The following CRAMP1 variants were observed in gnomAD, a reference collection of about 807,000 sequenced individuals.
The protein encoded by CRAMP1 is cramped chromatin regulator 1.
A neutral mutation model predicts 115.4 loss-of-function variants in CRAMP1; 50 were observed. The observed-to-expected ratio is 0.43, with a 90% confidence interval of 0.35 to 0.55. The LOEUF (loss-of-function observed/expected upper bound fraction) is 0.55, where lower values mean the gene tolerates loss of function less well. Among genes scored for constraint, CRAMP1 ranks in the 20% least tolerant of loss-of-function variants. CRAMP1 has a pLI of 0.01. For synonymous variants in CRAMP1, 866 were observed against 745.4 expected (o/e 1.16, Z -2.64); for missense variants, 1,679 against 1,721.7 (o/e 0.98, Z 0.44).
At chr16:1,640,182 G>C (rs976589097) in intron 5 of CRAMP1, among the ~76,000 whole-genome samples, 1 of 151,690 alleles carries the variant, frequency 6.6e-6, no homozygotes, top group Admixed American at 6.6e-5. Context: ...ATTTTTTTCC[G>C]TGCAGTTGTG....
chr16:1,633,857 C>T (rs1353486162), intron 4 of CRAMP1, among the ~76,000 whole-genome samples: 1 of 152,072 alleles, frequency 6.6e-6, no homozygotes, highest in East Asian at 1.9e-4. Context: ...ATCACGAGGT[C>T]AAGAGATCAA....
intron 3 of CRAMP1, 143 bp downstream of exon 3, chr16:1,626,309 G>A (rs1263720562): frequency 5.1e-6 from 3 of 592,730 alleles, no homozygotes. Flanking sequence ...GGCTGATGTG[G>A]GCTCTAGCCT....
intron 2 of CRAMP1, among the ~76,000 whole-genome samples, chr16:1,625,001 A>G (rs1461104131): frequency 6.6e-6 from 1 of 152,210 alleles, no homozygotes; most frequent in Non-Finnish European, 1.5e-5. Flanking sequence ...TGCTGGGATT[A>G]CAGGAGTGAG....
At position 1,656,539 on chromosome 16, in the gene CRAMP1, G is replaced by T. The variant is rs73499790; in HGVS notation, c.1782G>T (p.Ala594=). The T allele has an allele frequency of 7.6e-4, 1,188 of 1,557,758 alleles. 12 individuals carry two copies. In the African/African-American group the frequency reaches 0.014, roughly 18 times the overall value. Residue 594 remains alanine, a synonymous_variant, in exon 10 of 21, where the codon GCG becomes GCT. Coordinates refer to ENST00000397412, the MANE Select transcript of CRAMP1 (RefSeq NM_020825.4). This position sits in a 1 kb window ranked among gnomAD's most constrained non-coding sequence, Gnocchi z 5.6. The part of the protein sequence containing the change: ...PGSEQPPLGG[A]ASPEVLAPVS... ...GCGAGCAGCCCCCTCTGGGCGGGGC[G>T]GCCTCCCCAGAGGTGCTGGCTCCTG...
rs930033778 is a variant in CRAMP1, at chr16:1,677,574, G to A, written c.*3529G>A. The A allele has an allele frequency of 9.2e-5, 14 of 152,768 alleles. No homozygotes were observed. Among genetic ancestry groups the A allele is most frequent in the African/African-American group, 3.1e-4 (13 of 41,578 alleles). The allele number at this position is 152,768 out of a possible 1,614,324, so 9.5% of individuals were successfully genotyped here. A position where few individuals can be genotyped will look rare whatever the true frequency, so the allele number is the denominator to read the frequency against. On this transcript the variant is annotated 3_prime_UTR_variant, in exon 21 of 21. Coordinates refer to ENST00000397412, the MANE Select transcript of CRAMP1 (RefSeq NM_020825.4). ...GTGTCCTTGGGGTGGGTGAGGTGTG[G>A]GGAGCCCAGCCCCTGGCCCTGCCTC...
intron 19 of CRAMP1, 131 bp from the exon 20 acceptor site, chr16:1,670,533 C>T (rs2036913280): frequency 1.0e-6 from 1 of 952,878 alleles, no homozygotes; most frequent in African/African-American, 1.6e-5. Context: ...AAGCTCTTCG[C>T]ACAAGTCTGG....
rs940852845 is a variant in CRAMP1, at chr16:1,612,671, G to A, written c.-2+14G>A. Reference sequence around the variant, plus strand: ...TTGATGAAAAAGGTGACCAAGGCTGGGCGGCGGGGCTGTCATGGCGAGGCC... The same window carrying A: ...TTGATGAAAAAGGTGACCAAGGCTGAGCGGCGGGGCTGTCATGGCGAGGCC... On this transcript the variant is annotated intron_variant, in intron 1 of 20. Coordinates refer to ENST00000397412, the MANE Select transcript of CRAMP1 (RefSeq NM_020825.4). Among the ~76,000 whole-genome samples, 2 of 152,132 alleles carry A rather than the reference G, an allele frequency of 1.3e-5. No individual in the cohort carries two copies. Among genetic ancestry groups the A allele is most frequent in the East Asian group, 1.9e-4 (1 of 5,164 alleles).
At chr16:1,670,504 G>T (rs145237558) in intron 19 of CRAMP1, 160 bp from the exon 20 acceptor site, 6 of 710,088 alleles carry the variant, frequency 8.4e-6, no homozygotes, top group Non-Finnish European at 1.5e-5. Flanking sequence ...AGCTCGTCAC[G>T]GCGTGTTGAG....
chr16:1,614,851 C>G lies in CRAMP1; in HGVS notation c.212C>G (p.Pro71Arg). ...APPGAPQAPS[P>R]PQGSPQDQHH... ...CCCGGCGCGCCGCAGGCGCCGTCCC[C>G]GCCGCAGGGCAGCCCCCAGGACCAG... The change falls in exon 2 of 21, where the codon CCG becomes CGG. Residue 71 changes from proline to arginine, a missense_variant. By Grantham distance (103) the Pro-to-Arg change is moderately radical. Coordinates refer to ENST00000397412, the MANE Select transcript of CRAMP1 (RefSeq NM_020825.4). This position sits in a 1 kb window ranked among gnomAD's most constrained non-coding sequence, Gnocchi z 4.4. The G allele has an allele frequency of 1.5e-6, 2 of 1,293,466 alleles. No homozygotes were observed. Among genetic ancestry groups the G allele is most frequent in the Non-Finnish European group, 2.0e-6 (2 of 1,023,848 alleles). 80.1% of individuals were successfully genotyped at this position (1,293,466 alleles called of 1,614,324 possible).
rs1009570227 is a variant in CRAMP1 at position 1,614,315 on chromosome 16, G to C, written c.-1-324G>C. On this transcript the variant is annotated intron_variant, in intron 1 of 20. Transcript: ENST00000397412. The surrounding 1 kb of genome is among the most constrained non-coding windows in gnomAD (Gnocchi z 4.4). ...CGCGCCGGGGCTCCCATAGACCCCG[G>C]GGCCGGGGCCGGGGCCGGGGCCGGG... 1.4e-5 allele frequency among the ~76,000 whole-genome samples: 2 copies of C among 145,436 alleles called. No individual in the cohort carries two copies. Among genetic ancestry groups the C allele is most frequent in the African/African-American group, 4.9e-5 (2 of 40,536 alleles).
rs1186179758 is a variant in CRAMP1, at chr16:1,676,235, T to G, written c.*2190T>G. Reference sequence around the variant, plus strand: ...GCACCTACCACTTGGTTCTCCAGCGTAGACTCCTGGGAGCAGCCAACTGCA... The same window carrying G: ...GCACCTACCACTTGGTTCTCCAGCGGAGACTCCTGGGAGCAGCCAACTGCA... On this transcript the variant is annotated 3_prime_UTR_variant, in exon 21 of 21. Coordinates refer to ENST00000397412, the MANE Select transcript of CRAMP1 (RefSeq NM_020825.4). 6.6e-6 allele frequency: 1 copy of G among 152,290 alleles called. No homozygotes were observed. The highest frequency in any genetic ancestry group is 1.5e-5 in the Non-Finnish European group (1 of 68,062). The allele number at this position is 152,290 out of a possible 1,614,324, so 9.4% of individuals were successfully genotyped here.
intron 6 of CRAMP1, among the ~76,000 whole-genome samples, chr16:1,644,225 G>T (rs192041782): frequency 3.3e-5 from 5 of 152,204 alleles, no homozygotes; most frequent in African/African-American, 1.2e-4. Flanking sequence ...CTCACCTGTC[G>T]TATTGTCATC....
intron 20 of CRAMP1, among the ~76,000 whole-genome samples, chr16:1,673,455 A>C (rs2036939468): frequency 6.6e-6 from 1 of 152,012 alleles, no homozygotes; most frequent in South Asian, 2.1e-4. Context: ...GTTTTACCCC[A>C]CCTCCCGCTC....
chr16:1,625,192 G>A (rs903051324), intron 2 of CRAMP1, among the ~76,000 whole-genome samples: 6 of 152,016 alleles, frequency 3.9e-5, no homozygotes, highest in African/African-American at 7.3e-5. Context: ...AATGTGTTAG[G>A]CCATGAAAAG....
intron 16 of CRAMP1, 64 bp from the exon 17 acceptor site, chr16:1,667,271 G>C (rs543007097): frequency 3.0e-6 from 4 of 1,325,748 alleles, no homozygotes; most frequent in Non-Finnish European, 4.3e-6. Flanking sequence ...ACTCTGTCGC[G>C]GGTGAGGGTA....
intron 5 of CRAMP1, 77 bp from the exon 6 acceptor site, chr16:1,641,062 G>A (rs986394538): frequency 3.1e-5 from 30 of 981,640 alleles, no homozygotes; most frequent in African/African-American, 3.2e-5. Flanking sequence ...TATATTGAGC[G>A]GAATTGTATG....
intron 4 of CRAMP1, among the ~76,000 whole-genome samples, chr16:1,635,632 G>GT (rs996848007): frequency 3.9e-5 from 6 of 152,102 alleles, no homozygotes; most frequent in Admixed American, 3.3e-4. Context: ...TGGGTTGTGG[G>GT]TTTTTTTCTT....
At chr16:1,626,565 G>A (rs1158480247) in intron 3 of CRAMP1, among the ~76,000 whole-genome samples, 1 of 151,982 alleles carries the variant, frequency 6.6e-6, no homozygotes, top group Non-Finnish European at 1.5e-5. Context: ...TTGTCTCGGG[G>A]GTCAGTGTAG....
chr16:1,658,716 A>G (rs1175785655), intron 10 of CRAMP1, among the ~76,000 whole-genome samples: 1 of 152,098 alleles, frequency 6.6e-6, no homozygotes, highest in Non-Finnish European at 1.5e-5. Context: ...TCGCAGGTGG[A>G]ATGAGTAGCA....
Sources: gnomAD v4.1 joint callset for allele counts (sites outside exome capture counted in the v4.1 genomes callset) on GRCh38, gnomAD v4.1.1 for gene constraint, Gnocchi (gnomAD v3.1) non-coding constraint, MANE v1.5 for transcripts, NCBI Gene and HGNC (gene_info 2026-07-23, HGNC 2026-07-21) for gene names.